Variants in ZNRF2 observed in about 807,000 individuals in gnomAD.
ZNRF2 encodes zinc and ring finger 2.
In ZNRF2, 16 loss-of-function variants were observed where a neutral mutation model predicts 20.4. The observed-to-expected ratio is 0.79, with a 90% CI of 0.53 to 1.19. ZNRF2 has a LOEUF of 1.19. Among genes scored for constraint, ZNRF2 ranks in the 50% most tolerant of loss-of-function variants. The pLI, the probability that ZNRF2 is intolerant of heterozygous loss-of-function variation, is 0.00. For synonymous variants in ZNRF2, 178 were observed against 144.9 expected, an observed-to-expected ratio of 1.23 and a Z score of -1.64; for missense variants, 363 against 332.4, an observed-to-expected ratio of 1.09 and a Z score of -0.72.
chr7:30,345,256 T>C (rs1799858921), intron 2 of ZNRF2, among the ~76,000 whole-genome samples: 1 of 152,120 alleles, frequency 6.6e-6, no homozygotes, highest in African/African-American at 2.4e-5. Context: ...ATTTTTCTCA[T>C]TTCTACCCCT....
intron 1 of ZNRF2, among the ~76,000 whole-genome samples, chr7:30,295,492 T>C (rs1272900707): frequency 6.6e-6 from 1 of 152,074 alleles, no homozygotes. Flanking sequence ...GGGCGATCGC[T>C]TGAGCTCGGG....
At position 30,285,236 on chromosome 7, in the gene ZNRF2, C is replaced by G; in HGVS notation, c.-122C>G. The G allele has an allele frequency of 1.4e-6, 1 of 737,802 alleles. No individual in the cohort carries two copies. The highest frequency in any genetic ancestry group is 1.8e-6 in the Non-Finnish European group (1 of 562,524). The allele number at this position is 737,802 out of a possible 1,614,324, so 45.7% of individuals were successfully genotyped here. A position where few individuals can be genotyped will look rare whatever the true frequency, so the allele number is the denominator to read the frequency against. ...CTGGACGCCGGGCGGCGGCCCTGGA[C>G]GTGCGGGGGCCTCTCTGGGCCGGCC... On this transcript the variant is annotated 5_prime_UTR_variant, in exon 1 of 5. Coordinates refer to ENST00000323037, the MANE Select transcript of ZNRF2 (RefSeq NM_147128.4).
intron 1 of ZNRF2, among the ~76,000 whole-genome samples, chr7:30,297,285 A>G (rs1353940743): frequency 1.3e-5 from 2 of 151,994 alleles, no homozygotes; most frequent in African/African-American, 4.8e-5. Context: ...ATCCTATGAG[A>G]TCTGTCTTTT....
intron 1 of ZNRF2, among the ~76,000 whole-genome samples, chr7:30,288,203 A>G (rs1289596277): frequency 1.3e-5 from 2 of 152,254 alleles, no homozygotes; most frequent in African/African-American, 2.4e-5. Flanking sequence ...ACTTTTTAGT[A>G]TCTATTATAA....
intron 2 of ZNRF2, among the ~76,000 whole-genome samples, chr7:30,344,672 C>T (rs1178086645): frequency 6.6e-6 from 1 of 152,178 alleles, no homozygotes; most frequent in South Asian, 2.1e-4. Flanking sequence ...TACGTAGATT[C>T]AGCTGCCACT....
intron 1 of ZNRF2, among the ~76,000 whole-genome samples, chr7:30,303,699 G>A (rs998728120): frequency 5.6e-4 from 85 of 152,290 alleles, no homozygotes; most frequent in African/African-American, 1.9e-3. Flanking sequence ...ATTACCCACT[G>A]TAGCATTATA....
At chr7:30,364,290 T>C (rs1800176219) in intron 4 of ZNRF2, among the ~76,000 whole-genome samples, 1 of 152,164 alleles carries the variant, frequency 6.6e-6, no homozygotes, top group African/African-American at 2.4e-5. Flanking sequence ...GTGGAAGCCT[T>C]GGTAGACTGC....
intron 1 of ZNRF2, among the ~76,000 whole-genome samples, chr7:30,309,843 A>G (rs1799265106): frequency 6.6e-6 from 1 of 152,212 alleles, no homozygotes. Context: ...ATTTATTAAA[A>G]ATTTGTAAAA....
At chr7:30,308,258 T>C (rs917770530) in intron 1 of ZNRF2, among the ~76,000 whole-genome samples, 2 of 152,210 alleles carry the variant, frequency 1.3e-5, no homozygotes, top group East Asian at 3.8e-4. Context: ...TTCTGTAGTT[T>C]AAAGTTTATC....
intron 1 of ZNRF2, among the ~76,000 whole-genome samples, chr7:30,289,428 A>C (rs1798855222): frequency 6.6e-6 from 1 of 152,132 alleles, no homozygotes; most frequent in Non-Finnish European, 1.5e-5. Context: ...CAAGTGCCAA[A>C]ATGTTTGAAT....
chr7:30,347,227 C>CT (rs1799892611), intron 2 of ZNRF2, among the ~76,000 whole-genome samples: 1 of 152,128 alleles, frequency 6.6e-6, no homozygotes, highest in Non-Finnish European at 1.5e-5. Context: ...ATACTGTTAT[C>CT]TTTTTTCTCA....
intron 1 of ZNRF2, among the ~76,000 whole-genome samples, chr7:30,295,875 C>G (rs1447689056): frequency 3.9e-5 from 6 of 152,174 alleles, no homozygotes; most frequent in Non-Finnish European, 7.3e-5. Context: ...TCAGAAAGAC[C>G]ATGTGCTTTA....
intron 1 of ZNRF2, among the ~76,000 whole-genome samples, chr7:30,309,126 A>G (rs1361181877): frequency 6.6e-6 from 1 of 152,160 alleles, no homozygotes; most frequent in Non-Finnish European, 1.5e-5. Flanking sequence ...TTTTTACTTT[A>G]AAAAGTTAGA....
chr7:30,296,333 TGTGTTACAAA>T (rs1321008410), intron 1 of ZNRF2, among the ~76,000 whole-genome samples: 1 of 152,234 alleles, frequency 6.6e-6, no homozygotes, highest in Non-Finnish European at 1.5e-5. Flanking sequence ...ATCATTTGAA[TGTGTTACAAA>T]GTGTTATCAA....
At chr7:30,353,339 G>A (rs894631078) in intron 2 of ZNRF2, among the ~76,000 whole-genome samples, 1 of 151,958 alleles carries the variant, frequency 6.6e-6, no homozygotes, top group Admixed American at 6.6e-5. Flanking sequence ...CAGTGTGTTC[G>A]GGATGTTTTT....
rs760273569 is a variant in ZNRF2 at position 30,285,169 on chromosome 7, C to T, written c.-189C>T. On this transcript the variant is annotated 5_prime_UTR_variant, in exon 1 of 5. Transcript: ENST00000323037. ...CGCCCGCGTCAGGCCGTCGGCCTCG[C>T]CCGCCGCCCCAAGAAGAGCGCGCCG... is the stretch of plus-strand genomic sequence containing the variant. The T allele has an allele frequency of 7.0e-6, 3 of 431,044 alleles. No homozygotes were observed. Among genetic ancestry groups the T allele is most frequent in the South Asian group, 5.2e-5 (3 of 57,426 alleles). The allele number at this position is 431,044 out of a possible 1,614,324, so 26.7% of individuals were successfully genotyped here. A position where few individuals can be genotyped will look rare whatever the true frequency, so the allele number is the denominator to read the frequency against.
chr7:30,362,242 G>A (rs888378188), intron 3 of ZNRF2, 135 bp from the exon 4 acceptor site: 3 of 508,432 alleles, frequency 5.9e-6, no homozygotes, highest in Non-Finnish European at 1.0e-5. Context: ...TGTTGCTTAT[G>A]TATGCCAAAT....
chr7:30,289,016 A>C (rs1798847987), intron 1 of ZNRF2: 2 of 152,212 alleles, frequency 1.3e-5, no homozygotes, highest in African/African-American at 4.8e-5. Context: ...GGGCTATAGA[A>C]ATATACCAAT....
At chr7:30,339,695 T>C (rs898208639) in intron 2 of ZNRF2, among the ~76,000 whole-genome samples, 2 of 152,156 alleles carry the variant, frequency 1.3e-5, no homozygotes, top group Non-Finnish European at 2.9e-5. Flanking sequence ...AGTCAGGTAG[T>C]GTGATGCCTC....
Sources: gnomAD v4.1 joint callset for allele counts (sites outside exome capture counted in the v4.1 genomes callset) on GRCh38, gnomAD v4.1.1 for gene constraint, MANE v1.5 for transcripts, NCBI Gene and HGNC (gene_info 2026-07-23, HGNC 2026-07-21) for gene names.